The following CHLSN variants were observed in gnomAD, a reference collection of about 807,000 sequenced individuals.
CHLSN encodes cholesin.
the CHLSN span, chr7:1,022,907 G>A: frequency 5.3e-5 from 22 of 417,572 alleles, no homozygotes; most frequent in Middle Eastern, 3.4e-4. Flanking sequence ...ACGTCTCCGC[G>A]GCGAGCTGGC....
the CHLSN span, among the ~76,000 whole-genome samples, chr7:1,097,132 G>C: frequency 6.6e-6 from 1 of 152,200 alleles, no homozygotes; most frequent in African/African-American, 2.4e-5. The surrounding 1 kb of genome is among the most constrained non-coding windows in gnomAD (Gnocchi z 4.3). Flanking sequence ...CACAGACTAC[G>C]CGAGTACGTT....
the CHLSN span, among the ~76,000 whole-genome samples, chr7:1,130,219 G>A: frequency 2.0e-5 from 3 of 152,242 alleles, no homozygotes; most frequent in Non-Finnish European, 2.9e-5. Flanking sequence ...AGAAGTCCAG[G>A]GACGGCAGAA....
the CHLSN span, among the ~76,000 whole-genome samples, chr7:1,008,844 C>CACACGTAA: frequency 3.6e-5 from 5 of 139,136 alleles, no homozygotes; most frequent in Middle Eastern, 3.8e-3. Context: ...TATACACACG[C>CACACGTAA]ACACACGTAA....
At chr7:1,004,576 C>T in the CHLSN span, among the ~76,000 whole-genome samples, 16 of 152,214 alleles carry the variant, frequency 1.1e-4, no homozygotes, top group Middle Eastern at 3.2e-3. Flanking sequence ...CCCTCACCAC[C>T]GAAGATGAGC....
At chr7:1,087,409 G>T in the CHLSN span, among the ~76,000 whole-genome samples, 6,971 of 152,364 alleles carry the variant, frequency 0.046, 218 homozygotes, top group Middle Eastern at 0.11. Flanking sequence ...GGTACAGAAT[G>T]AGAAAGCTAA....
the CHLSN span, among the ~76,000 whole-genome samples, chr7:1,099,561 A>G: frequency 0.041 from 6,256 of 152,324 alleles, 188 homozygotes; most frequent in Non-Finnish European, 0.065. Context: ...TGGGAAACTC[A>G]TTACCTGGAG....
At chr7:1,037,375 C>T in the CHLSN span, among the ~76,000 whole-genome samples, 33 of 134,702 alleles carry the variant, frequency 2.4e-4, no homozygotes, top group African/African-American at 8.1e-4. Context: ...CTGCCTCAGC[C>T]TGCCGAGTGC....
At chr7:985,353 G>C in the CHLSN span, 2 of 1,545,198 alleles carry the variant, frequency 1.3e-6, no homozygotes, top group Non-Finnish European at 8.7e-7. Flanking sequence ...CCTTGGGGTG[G>C]GGTGGAGCCT....
chr7:1,078,133 G>A, the CHLSN span: 3 of 152,282 alleles, frequency 2.0e-5, no homozygotes, highest in South Asian at 2.1e-4. Flanking sequence ...TGAAGACGGA[G>A]CTGGACGAGG....
At chr7:1,133,392 C>CAAAAAAA in the CHLSN span, among the ~76,000 whole-genome samples, 102 of 91,092 alleles carry the variant, frequency 1.1e-3, 1 homozygote, top group African/African-American at 3.9e-3. Context: ...CGATATACTG[C>CAAAAAAA]AAAAAAAAAA....
the CHLSN span, among the ~76,000 whole-genome samples, chr7:1,126,117 T>C: frequency 6.6e-6 from 1 of 151,370 alleles, no homozygotes; most frequent in Non-Finnish European, 1.5e-5. Flanking sequence ...ATCCCAGCAC[T>C]TGGGAGGCCG....
chr7:1,129,982 C>A, the CHLSN span, among the ~76,000 whole-genome samples: 1 of 152,094 alleles, frequency 6.6e-6, no homozygotes, highest in Admixed American at 6.5e-5. Flanking sequence ...CATCAACTAG[C>A]AAAGCTGTGG....
chr7:1,016,717 A>AC, the CHLSN span, among the ~76,000 whole-genome samples: 8 of 110,460 alleles, frequency 7.2e-5, no homozygotes, highest in East Asian at 2.4e-4. Flanking sequence ...GCCAGCGCAC[A>AC]GCAGCACACA....
the CHLSN span, among the ~76,000 whole-genome samples, chr7:995,928 A>G: frequency 1.3e-5 from 2 of 152,158 alleles, no homozygotes; most frequent in African/African-American, 4.8e-5. Flanking sequence ...TCTCCTTCCC[A>G]CAGCTTGGTG....
chr7:1,120,907 T>A, the CHLSN span, among the ~76,000 whole-genome samples: 1 of 151,744 alleles, frequency 6.6e-6, no homozygotes, highest in Non-Finnish European at 1.5e-5. Context: ...AGGCGGCCCA[T>A]GAACTATTAG....
the CHLSN span, among the ~76,000 whole-genome samples, chr7:1,122,118 C>A: frequency 0.049 from 7,411 of 152,240 alleles, 609 homozygotes; most frequent in African/African-American, 0.17. Flanking sequence ...GAGTCAGAAA[C>A]CAGGGGTGAG....
At chr7:1,118,863 T>A in the CHLSN span, among the ~76,000 whole-genome samples, 762 of 150,838 alleles carry the variant, frequency 5.1e-3, 6 homozygotes, top group African/African-American at 0.016. Context: ...ATATTTTTTT[T>A]TAAAAAAACT....
chr7:1,067,819 G>A, the CHLSN span, among the ~76,000 whole-genome samples: 2 of 125,954 alleles, frequency 1.6e-5, no homozygotes, highest in Admixed American at 7.6e-5. Flanking sequence ...AGAGGTGAGG[G>A]TTTGGGGCAC....
Sources: gnomAD v4.1 joint callset for allele counts (sites outside exome capture counted in the v4.1 genomes callset) on GRCh38, gnomAD v4.1.1 for gene constraint, Gnocchi (gnomAD v3.1) non-coding constraint, MANE v1.5 for transcripts, NCBI Gene and HGNC (gene_info 2026-07-23, HGNC 2026-07-21) for gene names.